Variants in ZNF821 observed in about 807,000 individuals in gnomAD.
The protein encoded by ZNF821 is zinc finger protein 821.
Under a neutral mutation model 44.3 loss-of-function variants are expected in ZNF821, and 16 were observed. That is an observed-to-expected ratio of 0.36 (90% CI 0.24 to 0.55). The LOEUF (loss-of-function observed/expected upper bound fraction) is 0.55. Among genes scored for constraint, ZNF821 ranks in the 20% least tolerant of loss-of-function variants. The pLI is 0.86. For synonymous variants in ZNF821, 204 were observed against 197.6 expected (o/e 1.03, Z -0.27); for missense variants, 436 against 547.6 (o/e 0.80, Z 2.03).
At chr16:71,872,519 A>G (rs2035322587) in intron 3 of ZNF821, among the ~76,000 whole-genome samples, 4 of 152,134 alleles carry the variant, frequency 2.6e-5, no homozygotes, top group Admixed American at 2.6e-4. Context: ...AGGCTGAGGC[A>G]GGAGAATGGA....
upstream of ZNF821, among the ~76,000 whole-genome samples, chr16:71,888,913 A>G (rs994801060): frequency 5.3e-5 from 8 of 152,226 alleles, no homozygotes; most frequent in Admixed American, 1.3e-4. Context: ...ATATACACAA[A>G]TTGAAAGTAA....
rs76798025 is a variant in ZNF821 at position 71,866,791 on chromosome 16, T to C, written c.166+1121A>G. Among the ~76,000 whole-genome samples the C allele has an allele frequency of 5.4e-3, 819 of 152,268 alleles. 47 individuals carry two copies. The East Asian group carries it at 0.13, about 23-fold the overall frequency. ...TGTGCCCGAGCAATTAATTGCTAAGTTATTTTATGTTGTTGATGTTGCTTA... is the reference window on the plus strand; with the variant it reads ...TGTGCCCGAGCAATTAATTGCTAAGCTATTTTATGTTGTTGATGTTGCTTA... On this transcript the variant is annotated intron_variant, in intron 4 of 7. Coordinates refer to ENST00000425432, the MANE Select transcript of ZNF821 (RefSeq NM_001201552.2).
intron 1 of ZNF821, 41 bp from the exon 2 acceptor site, chr16:71,883,314 G>A (rs1039870714): frequency 2.6e-5 from 11 of 419,626 alleles, no homozygotes; most frequent in Non-Finnish European, 5.3e-5. Flanking sequence ...TCACTTAGCC[G>A]CCTGGCTGTT....
At chr16:71,877,441 G>GA (rs977051245) in intron 3 of ZNF821, among the ~76,000 whole-genome samples, 2 of 151,554 alleles carry the variant, frequency 1.3e-5, no homozygotes, top group African/African-American at 2.4e-5. Flanking sequence ...GTATTTTTTT[G>GA]AAAAAACGGG....
At chr16:71,892,716 C>T (rs1030137294) in intron 1 of ZNF821, among the ~76,000 whole-genome samples, 2 of 149,194 alleles carry the variant, frequency 1.3e-5, no homozygotes, top group Non-Finnish European at 3.0e-5. Flanking sequence ...AAATTATAGG[C>T]ACGAGCCACA....
intron 4 of ZNF821, among the ~76,000 whole-genome samples, chr16:71,867,516 G>A (rs540055345): frequency 1.5e-4 from 23 of 152,052 alleles, no homozygotes; most frequent in Admixed American, 3.3e-4. Flanking sequence ...GAGAAACCCC[G>A]TCTCTACTAA....
intron 2 of ZNF821, chr16:71,883,002 G>A: frequency 4.7e-6 from 2 of 425,506 alleles, no homozygotes; most frequent in South Asian, 3.3e-5. Flanking sequence ...TGAGATTCAG[G>A]TCTAAAGGGA....
chr16:71,863,832 G>C lies in ZNF821; in HGVS notation c.417+306C>G, dbSNP rs56245772. ...CCTGTCACAGCATCCCGAGTAGCTG[G>C]GACTACAGGCGCATGCCACCACACC... On this transcript the variant is annotated intron_variant, in intron 6 of 7. Transcript: ENST00000425432. 6.7e-3 allele frequency among the ~76,000 whole-genome samples: 1,023 copies of C among 152,210 alleles called. 5 individuals carry two copies. Among genetic ancestry groups the C allele is most frequent in the Non-Finnish European group, 0.011 (765 of 67,992 alleles).
At chr16:71,893,030 T>TTTTTTTTTG in intron 1 of ZNF821, among the ~76,000 whole-genome samples, 1 of 26,620 alleles carries the variant, frequency 3.8e-5, no homozygotes, top group Non-Finnish European at 9.3e-5. Flanking sequence ...CCTGCCTGGC[T>TTTTTTTTTG]TTTTTTTTTT....
At chr16:71,868,124 G>A (rs2034758435) in intron 3 of ZNF821, 87 bp from the exon 4 acceptor site, 1 of 1,436,604 alleles carries the variant, frequency 7.0e-7, no homozygotes, top group Admixed American at 2.2e-5. Flanking sequence ...CCATTCAAAG[G>A]TAGGAGACAG....
Position 71,864,194 on chromosome 16 carries a change from G to T in ZNF821, c.361C>A (p.Pro121Thr). ...SDPLLELCQCPLCQLDCGSRE... is the reference protein window; with the variant it reads ...SDPLLELCQCTLCQLDCGSRE... Reference sequence around the variant, plus strand: ...CTCCCGCAGTCTAGCTGGCAGAGGGGACACTGGCAGAGTTCAAGCAAGGGG... The same window carrying T: ...CTCCCGCAGTCTAGCTGGCAGAGGGTACACTGGCAGAGTTCAAGCAAGGGG... The change falls in exon 6 of 8, where the codon CCC becomes ACC. Residue 121 changes from proline (P) to threonine (T), a missense_variant. Pro to Thr is a conservative substitution (Grantham distance 38). Coordinates refer to ENST00000425432, the MANE Select transcript of ZNF821 (RefSeq NM_001201552.2). 1.2e-6 allele frequency: 2 copies of T among 1,614,212 alleles called. No individual in the cohort carries two copies. The highest frequency in any genetic ancestry group is 8.5e-7 in the Non-Finnish European group (1 of 1,180,034).
chr16:71,861,702 G>A (rs2142344059), intron 7 of ZNF821, 74 bp downstream of exon 7: 5 of 1,581,406 alleles, frequency 3.2e-6, no homozygotes, highest in Admixed American at 1.7e-5. Flanking sequence ...TCTAGCCTTC[G>A]CTTTGACTTC....
At chr16:71,861,981 C>A in intron 6 of ZNF821, 39 bp from the exon 7 acceptor site, 1 of 1,604,020 alleles carries the variant, frequency 6.2e-7, no homozygotes. Flanking sequence ...CTTGCGCTAC[C>A]TCCAGGACAA....
intron 2 of ZNF821, chr16:71,881,965 C>T (rs2036463441): frequency 6.6e-6 from 1 of 151,300 alleles, no homozygotes; most frequent in Non-Finnish European, 1.5e-5. Flanking sequence ...AGTGAGACTC[C>T]ATCTCAAAAA....
chr16:71,894,954 C>T (rs533614946), exon 1 of ZNF821: 4 of 871,328 alleles, frequency 4.6e-6, no homozygotes, highest in African/African-American at 1.7e-5. Flanking sequence ...TTATACCACA[C>T]AGACCGGAGC....
At chr16:71,867,512 C>T (rs2034683555) in intron 4 of ZNF821, among the ~76,000 whole-genome samples, 1 of 152,026 alleles carries the variant, frequency 6.6e-6, no homozygotes, top group Non-Finnish European at 1.5e-5. Context: ...CATGGAGAAA[C>T]CCCGTCTCTA....
At chr16:71,882,086 A>T (rs1327100258) in intron 2 of ZNF821, 2 of 152,170 alleles carry the variant, frequency 1.3e-5, no homozygotes, top group Non-Finnish European at 2.9e-5. Context: ...CCTGGCCAAC[A>T]TGGTGAAACC....
At chr16:71,863,950 G>A (rs937155880) in intron 6 of ZNF821, among the ~76,000 whole-genome samples, 188 bp downstream of exon 6, 8 of 152,128 alleles carry the variant, frequency 5.3e-5, no homozygotes, top group African/African-American at 9.7e-5. Context: ...TACCCGCCTC[G>A]GCTTCCCACA....
At chr16:71,871,863 G>A (rs145316447) in intron 3 of ZNF821, among the ~76,000 whole-genome samples, 1,783 of 147,010 alleles carry the variant, frequency 0.012, 12 homozygotes, top group Non-Finnish European at 0.02. Flanking sequence ...AGAGTTTTTC[G>A]CTCTGTCACC....
Sources: allele counts gnomAD v4.1 joint callset (sites outside exome capture counted in the v4.1 genomes callset), GRCh38; gene constraint gnomAD v4.1.1; transcripts MANE v1.5; gene names NCBI Gene and HGNC (gene_info 2026-07-23, HGNC 2026-07-21).